Variants in DLGAP1 observed in about 807,000 individuals in gnomAD.
DLGAP1 encodes disks large-associated protein 1.
In DLGAP1, 11 loss-of-function variants were observed where a neutral mutation model predicts 90.8. That is an observed-to-expected ratio of 0.12 (90% CI 0.08 to 0.20). DLGAP1 has a LOEUF of 0.20. Ranked by LOEUF, DLGAP1 falls within the 10% of genes least tolerant of loss-of-function variation. The pLI is 1.00. For synonymous variants in DLGAP1, 558 were observed against 540.7 expected (o/e 1.03, Z -0.44); for missense variants, 1,050 against 1,333.8 (o/e 0.79, Z 3.31).
intron 7 of DLGAP1, among the ~76,000 whole-genome samples, chr18:3,657,425 C>G (rs555296740): frequency 6.6e-6 from 1 of 152,246 alleles, no homozygotes; most frequent in Non-Finnish European, 1.5e-5. Context: ...CCAATGGTGT[C>G]TGGTCCAACG....
chr18:4,399,109 C>T (rs759326178), intron 1 of DLGAP1, among the ~76,000 whole-genome samples: 1 of 152,146 alleles, frequency 6.6e-6, no homozygotes, highest in African/African-American at 2.4e-5. Flanking sequence ...GGATTACAGG[C>T]GTGAGCCACC....
intron 1 of DLGAP1, among the ~76,000 whole-genome samples, chr18:4,209,691 G>A (rs546632672): frequency 2.0e-5 from 3 of 152,210 alleles, no homozygotes; most frequent in Admixed American, 6.5e-5. Context: ...TACTTAATAC[G>A]TGTTTGAATT....
chr18:4,383,218 G>A lies in DLGAP1; in HGVS notation c.-267+71788C>T, dbSNP rs2082165764. Among the ~76,000 whole-genome samples the A allele has an allele frequency of 6.6e-6, 1 of 151,976 alleles. No homozygotes were observed. The highest frequency in any genetic ancestry group is 2.4e-5 in the African/African-American group (1 of 41,392). On this transcript the variant is annotated intron_variant, in intron 1 of 12. Coordinates refer to ENST00000315677, the MANE Select transcript of DLGAP1 (RefSeq NM_004746.4). This position sits in a 1 kb window ranked among gnomAD's most constrained non-coding sequence, Gnocchi z 4.0. ...ACAAAACATTAAAACATTACCTGGGGAATAATGTTCTAATATTCATCTAAC... is the reference window on the plus strand; with the variant it reads ...ACAAAACATTAAAACATTACCTGGGAAATAATGTTCTAATATTCATCTAAC...
intron 1 of DLGAP1, among the ~76,000 whole-genome samples, chr18:4,234,179 T>C (rs2078358790): frequency 6.6e-6 from 1 of 151,646 alleles, no homozygotes; most frequent in African/African-American, 2.4e-5. Context: ...TGATTACTAA[T>C]AATGGTACCA....
At chr18:4,173,278 C>G (rs1443701145) in intron 1 of DLGAP1, among the ~76,000 whole-genome samples, 1 of 152,176 alleles carries the variant, frequency 6.6e-6, no homozygotes, top group Non-Finnish European at 1.5e-5. Context: ...GAGCCCCAAT[C>G]TCAGGCTTTA....
intron 1 of DLGAP1, among the ~76,000 whole-genome samples, chr18:4,220,755 T>C (rs561459787): frequency 6.6e-6 from 1 of 152,258 alleles, no homozygotes; most frequent in East Asian, 1.9e-4. Flanking sequence ...AGATGAACTC[T>C]TACTCTTTTT....
chr18:3,554,580 G>C (rs528119159), intron 9 of DLGAP1, among the ~76,000 whole-genome samples: 2 of 152,298 alleles, frequency 1.3e-5, no homozygotes, highest in South Asian at 2.1e-4. Flanking sequence ...GTGCATTTGC[G>C]ATCCATGGCA....
chr18:3,620,759 C>T (rs1489835418), intron 7 of DLGAP1, among the ~76,000 whole-genome samples: 2 of 152,032 alleles, frequency 1.3e-5, no homozygotes, highest in African/African-American at 2.4e-5. Context: ...GGTTTCACCA[C>T]GTTGGCCAGG....
intron 9 of DLGAP1, among the ~76,000 whole-genome samples, chr18:3,563,435 G>T (rs1196729839): frequency 6.7e-6 from 1 of 149,932 alleles, no homozygotes. Context: ...CTGTCTCACT[G>T]TTCTCAGATA....
At chr18:4,187,822 C>T (rs2077325350) in intron 1 of DLGAP1, among the ~76,000 whole-genome samples, 2 of 152,000 alleles carry the variant, frequency 1.3e-5, no homozygotes, top group African/African-American at 4.8e-5. Flanking sequence ...AATGGTGAAA[C>T]TCTGTCTCTA....
intron 9 of DLGAP1, among the ~76,000 whole-genome samples, chr18:3,537,745 C>T (rs181811839): frequency 1.1e-3 from 165 of 152,270 alleles, no homozygotes; most frequent in African/African-American, 3.9e-3. Context: ...CACCAGGATT[C>T]CTATTTCTCC....
chr18:4,003,259 A>AT (rs2074233782), intron 3 of DLGAP1, among the ~76,000 whole-genome samples: 1 of 152,136 alleles, frequency 6.6e-6, no homozygotes, highest in African/African-American at 2.4e-5. Context: ...TGGTAGAGAC[A>AT]GGGAAGGTGC....
intron 2 of DLGAP1, among the ~76,000 whole-genome samples, chr18:4,080,082 T>C (rs895039166): frequency 1.3e-5 from 2 of 152,156 alleles, no homozygotes; most frequent in African/African-American, 2.4e-5. Flanking sequence ...CTTGATGACG[T>C]CTAGTGAAAG....
At chr18:4,453,445 G>C (rs2083884358) in intron 1 of DLGAP1, among the ~76,000 whole-genome samples, 1 of 152,012 alleles carries the variant, frequency 6.6e-6, no homozygotes, top group African/African-American at 2.4e-5. Context: ...TTTTATTCAA[G>C]GAATAAAAAG....
chr18:4,191,033 G>C (rs927192130), intron 1 of DLGAP1, among the ~76,000 whole-genome samples: 3 of 152,198 alleles, frequency 2.0e-5, no homozygotes, highest in Admixed American at 2.0e-4. Context: ...AAAGTATCTA[G>C]AAAGACTTCA....
At chr18:3,741,327 C>T (rs867643089) in intron 6 of DLGAP1, among the ~76,000 whole-genome samples, 4 of 136,482 alleles carry the variant, frequency 2.9e-5, no homozygotes, top group African/African-American at 9.4e-5. Context: ...ACCACCACCA[C>T]CATCACCACC....
chr18:4,055,625 T>C (rs1232329751), intron 2 of DLGAP1, among the ~76,000 whole-genome samples: 1 of 152,132 alleles, frequency 6.6e-6, no homozygotes, highest in African/African-American at 2.4e-5. Flanking sequence ...TGCTTACATT[T>C]TATTGGCCAG....
At chr18:3,676,149 C>G (rs999178734) in intron 7 of DLGAP1, among the ~76,000 whole-genome samples, 2 of 152,230 alleles carry the variant, frequency 1.3e-5, no homozygotes, top group African/African-American at 4.8e-5. Flanking sequence ...ATGGCAGTCC[C>G]ATCTTTCCTC....
Position 3,602,593 on chromosome 18 carries a change from CAA to C in DLGAP1, c.1592-20347_1592-20346del, listed in dbSNP as rs71159102. 9.4e-4 allele frequency among the ~76,000 whole-genome samples: 63 copies of C among 66,678 alleles called. No homozygotes were observed. The East Asian group carries it at 9.9e-3, about 10-fold the overall frequency. 43.7% of individuals were successfully genotyped at this position (66,678 alleles called of 152,430 possible). On this transcript the variant is annotated intron_variant, in intron 7 of 12. Coordinates refer to ENST00000315677, the MANE Select transcript of DLGAP1 (RefSeq NM_004746.4). ...CTGGGCGACAGAGCGAGACTCCGTC[CAA>C]AAAAAAAAAAAAAAAAAAAAACAAA...
Sources: allele counts gnomAD v4.1 joint callset (sites outside exome capture counted in the v4.1 genomes callset), GRCh38; gene constraint gnomAD v4.1.1; non-coding constraint Gnocchi (gnomAD v3.1); transcripts MANE v1.5; gene names NCBI Gene and HGNC (gene_info 2026-07-23, HGNC 2026-07-21).